RPL36AL: variants seen among roughly 807,000 people sequenced by gnomAD.
RPL36AL encodes the protein ribosomal protein eL42-like.
A neutral mutation model predicts 7.9 loss-of-function variants in RPL36AL; 8 were observed. The observed-to-expected ratio is 1.02, with a 90% CI of 0.60 to 1.84. RPL36AL has a LOEUF of 1.84. Among genes scored for constraint, RPL36AL ranks in the 40% most tolerant of loss-of-function variants. The pLI is 0.00. For synonymous variants in RPL36AL, 44 were observed against 44.8 expected (o/e 0.98, Z 0.07); for missense variants, 76 against 126.8 (o/e 0.60, Z 1.93).
intron 1 of RPL36AL, among the ~76,000 whole-genome samples, chr14:49,619,482 T>C (rs1882768177): frequency 6.6e-6 from 1 of 150,700 alleles, no homozygotes; most frequent in Non-Finnish European, 1.5e-5. Context: ...ACCCCGTCTC[T>C]ACTAAAAATA....
At chr14:49,619,220 A>G (rs1882757930) in intron 1 of RPL36AL, 80 bp from the exon 2 acceptor site, 1 of 845,422 alleles carries the variant, frequency 1.2e-6, no homozygotes, top group Non-Finnish European at 1.8e-6. Context: ...ATATACAGGA[A>G]AACCGTACAC....
rs1049264363 is a variant in RPL36AL at position 49,618,866 on chromosome 14, T to C, written c.239A>G (p.Lys80Arg). Reference sequence around the variant, plus strand: ...GCATCTCTTAATGGCCAGCATCCTCTTGGATCTGCAGTTAGGCTCAACACA... The same window carrying C: ...GCATCTCTTAATGGCCAGCATCCTCCTGGATCTGCAGTTAGGCTCAACACA... ...LECVEPNCRS[K>R]RMLAIKRCKH... The change falls in exon 2 of 2, where the codon AAG becomes AGG. Residue 80 changes from lysine (K) to arginine (R), a missense_variant. Coordinates refer to ENST00000298289, the MANE Select transcript of RPL36AL (RefSeq NM_001001.5). The C allele has an allele frequency of 1.9e-6, 3 of 1,612,422 alleles. No homozygotes were observed. Among genetic ancestry groups the C allele is most frequent in the African/African-American group, 1.3e-5 (1 of 74,884 alleles).
At chr14:49,619,216 A>G (rs539604991) in intron 1 of RPL36AL, 76 bp from the exon 2 acceptor site, 104 of 906,052 alleles carry the variant, frequency 1.1e-4, no homozygotes, top group Non-Finnish European at 1.7e-4. Flanking sequence ...AAGTATATAC[A>G]GGAAAACCGT....
intron 1 of RPL36AL, among the ~76,000 whole-genome samples, chr14:49,619,756 T>C (rs1014678097): frequency 4.6e-5 from 7 of 152,170 alleles, no homozygotes; most frequent in Non-Finnish European, 8.8e-5. Context: ...AGTGGGTTTT[T>C]AGAGGAAAAA....
At chr14:49,619,782 T>C (rs1000194527) in intron 1 of RPL36AL, among the ~76,000 whole-genome samples, 12 of 152,178 alleles carry the variant, frequency 7.9e-5, no homozygotes, top group Admixed American at 5.9e-4. Flanking sequence ...AGTTCCTAAA[T>C]TGTCTACCAA....
rs1355443163 is a variant in RPL36AL, at chr14:49,619,174, G to A, written c.-36-34C>T. On this transcript the variant is annotated intron_variant, in intron 1 of 1. Coordinates refer to ENST00000298289, the MANE Select transcript of RPL36AL (RefSeq NM_001001.5). Reference sequence around the variant, plus strand: ...AAATATTTAAAATAAGATAGCAGACGTTAAACATTCCGAAAAGTGAAAGTG... The same window carrying A: ...AAATATTTAAAATAAGATAGCAGACATTAAACATTCCGAAAAGTGAAAGTG... The A allele has an allele frequency of 9.2e-6, 13 of 1,413,848 alleles. No individual in the cohort carries two copies. The Admixed American group carries it at 1.8e-4, about 19-fold the overall frequency. The allele number at this position is 1,413,848 out of a possible 1,614,324, so 87.6% of individuals were successfully genotyped here.
At position 49,618,712 on chromosome 14, in the gene RPL36AL, T is replaced by C; in HGVS notation, c.*72A>G. ...GTTTGCGTAAGAATATCACTGTATT[T>C]ATTTTCCCTCGGGTAACTTTTCTAT... is the stretch of plus-strand genomic sequence containing the variant. On this transcript the variant is annotated 3_prime_UTR_variant, in exon 2 of 2. Transcript: ENST00000298289. 7.8e-7 allele frequency: 1 copy of C among 1,279,578 alleles called. No homozygotes were observed. Among genetic ancestry groups the C allele is most frequent in the South Asian group, 1.4e-5 (1 of 72,730 alleles). The allele number at this position is 1,279,578 out of a possible 1,614,324, so 79.3% of individuals were successfully genotyped here. A position where few individuals can be genotyped will look rare whatever the true frequency, so the allele number is the denominator to read the frequency against.
In RPL36AL at chr14:49,619,021, C is replaced by T; in HGVS notation, c.84G>A (p.Lys28=). 6.2e-7 allele frequency: 1 copy of T among 1,613,982 alleles called. No homozygotes were observed. The highest frequency in any genetic ancestry group is 8.5e-7 in the Non-Finnish European group (1 of 1,179,876). The part of the protein sequence containing the change: ...HQPHKVTQYK[K]GKDSLYAQGR... ...CCTGGGCATACAAAGAATCCTTGCC[C>T]TTCTTATACTGTGTCACTTTGTGAG... Residue 28 remains lysine (K), a synonymous_variant, in exon 2 of 2, where the codon AAG becomes AAA. Transcript: ENST00000298289.
Position 49,619,002 on chromosome 14 carries a change from C to G in RPL36AL, c.103G>C (p.Ala35Pro). The G allele has an allele frequency of 6.2e-7, 1 of 1,613,902 alleles. No individual in the cohort carries two copies. The highest frequency in any genetic ancestry group is 8.5e-7 in the Non-Finnish European group (1 of 1,179,780). ...CGATCATAGCGCCTCCTTCCCTGGGCATACAAAGAATCCTTGCCCTTCTTA... is the reference window on the plus strand; with the variant it reads ...CGATCATAGCGCCTCCTTCCCTGGGGATACAAAGAATCCTTGCCCTTCTTA... Reference protein sequence around the residue: ...QYKKGKDSLYAQGRRRYDRKQ... With the variant: ...QYKKGKDSLYPQGRRRYDRKQ... The change falls in exon 2 of 2, where the codon GCC becomes CCC. Residue 35 changes from alanine to proline, a missense_variant. Physicochemically the swap from Ala to Pro is conservative, Grantham distance 27. Coordinates refer to ENST00000298289, the MANE Select transcript of RPL36AL (RefSeq NM_001001.5).
chr14:49,620,096 T>C (rs1882789040), intron 1 of RPL36AL, among the ~76,000 whole-genome samples: 1 of 152,208 alleles, frequency 6.6e-6, no homozygotes, highest in Admixed American at 6.5e-5. Context: ...GAAATGAGTT[T>C]AATTTATTGT....
rs140916989 is a variant in RPL36AL, at chr14:49,619,371, A to C, written c.-36-231T>G. On this transcript the variant is annotated intron_variant, in intron 1 of 1. Coordinates refer to ENST00000298289, the MANE Select transcript of RPL36AL (RefSeq NM_001001.5). ...GACCTAAAGAACTGAGGCAAGGCCG[A>C]GCACGGTGGCTCATGCTTGTAATCC... is the stretch of plus-strand genomic sequence containing the variant. Among the ~76,000 whole-genome samples the C allele has an allele frequency of 4.8e-3, 737 of 152,340 alleles. 9 individuals are homozygous for C. The highest frequency in any genetic ancestry group is 0.017 in the African/African-American group (709 of 41,568).
chr14:49,619,540 C>T (rs1405565316), intron 1 of RPL36AL, among the ~76,000 whole-genome samples: 1 of 141,482 alleles, frequency 7.1e-6, no homozygotes, highest in Non-Finnish European at 1.5e-5. Flanking sequence ...AGGAGAATCG[C>T]TTGGGCGGGG....
chr14:49,620,530 T>C lies in RPL36AL; in HGVS notation c.-37+32A>G, dbSNP rs8018849. 9,218 of 163,962 alleles carry C rather than the reference T, an allele frequency of 0.056. 856 individuals are homozygous for C. Among genetic ancestry groups the C allele is most frequent in the African/African-American group, 0.2 (8,410 of 41,812 alleles). The allele number at this position is 163,962 out of a possible 1,614,324, so 10.2% of individuals were successfully genotyped here. The stretch of plus-strand genomic sequence containing the variant: ...GGATTCTGAGCAAGGGAGGCTCCTA[T>C]TGGAGCCGCTACAGCCTCGTTCTTA... On this transcript the variant is annotated intron_variant, in intron 1 of 1. Coordinates refer to ENST00000298289, the MANE Select transcript of RPL36AL (RefSeq NM_001001.5).
In RPL36AL at chr14:49,618,997, C is replaced by T. The variant is rs1594596957; in HGVS notation, c.108G>A (p.Gln36=). 1 of 1,613,986 alleles carries T rather than the reference C, an allele frequency of 6.2e-7. No homozygotes were observed. The highest frequency in any genetic ancestry group is 8.5e-7 in the Non-Finnish European group (1 of 1,179,870). ...YKKGKDSLYA[Q]GRRRYDRKQS... ...GCTTCCGATCATAGCGCCTCCTTCCCTGGGCATACAAAGAATCCTTGCCCT... is the reference window on the plus strand; with the variant it reads ...GCTTCCGATCATAGCGCCTCCTTCCTTGGGCATACAAAGAATCCTTGCCCT... The change falls in exon 2 of 2, where the codon CAG becomes CAA. Residue 36 remains glutamine, a synonymous_variant. Transcript: ENST00000298289.
chr14:49,619,166 T>C, intron 1 of RPL36AL, 26 bp from the exon 2 acceptor site: 1 of 1,453,632 alleles, frequency 6.9e-7, no homozygotes, highest in Non-Finnish European at 9.3e-7. Context: ...TAAAATAAGA[T>C]AGCAGACGTT....
intron 1 of RPL36AL, among the ~76,000 whole-genome samples, chr14:49,619,743 G>C (rs1409819560): frequency 3.3e-5 from 5 of 152,222 alleles, no homozygotes; most frequent in Non-Finnish European, 5.9e-5. Flanking sequence ...AGCAGCAGTT[G>C]CAAGTGGGTT....
chr14:49,620,115 C>T (rs905178400), intron 1 of RPL36AL, among the ~76,000 whole-genome samples: 1 of 152,144 alleles, frequency 6.6e-6, no homozygotes, highest in African/African-American at 2.4e-5. Context: ...GTGACTGCTC[C>T]AAAAGAAAAG....
chr14:49,619,619 G>A (rs1270408815), intron 1 of RPL36AL, among the ~76,000 whole-genome samples: 1 of 148,058 alleles, frequency 6.8e-6, no homozygotes, highest in Non-Finnish European at 1.5e-5. Flanking sequence ...AACAACAGCG[G>A]AATTACGTCT....
chr14:49,620,020 A>G (rs1882786835), intron 1 of RPL36AL, among the ~76,000 whole-genome samples: 1 of 152,202 alleles, frequency 6.6e-6, no homozygotes, highest in Non-Finnish European at 1.5e-5. Flanking sequence ...TTTCTCATAT[A>G]GAACAAGACT....
Sources: allele counts gnomAD v4.1 joint callset (sites outside exome capture counted in the v4.1 genomes callset), GRCh38; gene constraint gnomAD v4.1.1; transcripts MANE v1.5; gene names NCBI Gene and HGNC (gene_info 2026-07-23, HGNC 2026-07-21).